The following DLG2 variants were observed in gnomAD, a reference collection of about 807,000 sequenced individuals.
The protein encoded by DLG2 is discs large MAGUK scaffold protein 2.
A neutral mutation model predicts 132.5 loss-of-function variants in DLG2; 45 were observed. That is an observed-to-expected ratio of 0.34 (90% CI 0.27 to 0.44). DLG2 has a LOEUF of 0.44. Ranked by LOEUF, DLG2 falls within the 20% of genes least tolerant of loss-of-function variation. DLG2 has a pLI of 1.00. For missense variants in DLG2, 1,045 were observed against 1,196.9 expected, an observed-to-expected ratio of 0.87 and a Z score of 1.87; for synonymous variants, 424 against 419.6, an observed-to-expected ratio of 1.01 and a Z score of -0.13.
chr11:85,403,362 G>A (rs189054071), intron 3 of DLG2, among the ~76,000 whole-genome samples: 1 of 152,146 alleles, frequency 6.6e-6, no homozygotes, highest in Non-Finnish European at 1.5e-5. Flanking sequence ...CTGGGGGAGG[G>A]ATAGCATTAG....
At chr11:84,628,095 C>CGT (rs1335893063) in intron 6 of DLG2, among the ~76,000 whole-genome samples, 1 of 127,980 alleles carries the variant, frequency 7.8e-6, no homozygotes, top group Non-Finnish European at 1.7e-5. Flanking sequence ...TATGTACACA[C>CGT]ATATATACAC....
chr11:83,949,385 T>A (rs111901278), intron 14 of DLG2, among the ~76,000 whole-genome samples: 11,565 of 148,784 alleles, frequency 0.078, 615 homozygotes, highest in Non-Finnish European at 0.12. Context: ...TGGATTAATG[T>A]CTTTTTAGAT....
At chr11:84,799,394 C>T (rs562586504) in intron 6 of DLG2, among the ~76,000 whole-genome samples, 1 of 152,264 alleles carries the variant, frequency 6.6e-6, no homozygotes, top group Admixed American at 6.5e-5. Flanking sequence ...CAGCTGCTGC[C>T]GGAGGTTGGA....
rs554292748 is a variant in DLG2 at position 83,907,370 on chromosome 11, T to C, written c.1496+22958A>G. Among the ~76,000 whole-genome samples the C allele has an allele frequency of 6.4e-4, 98 of 152,032 alleles. 5 individuals carry two copies. In the South Asian group the frequency reaches 0.02, roughly 30 times the overall value. ...TATGATAGCAGAAGTATATAGAAAA[T>C]ACAAAAATAATAGAGAATAGAATTG... is the stretch of plus-strand genomic sequence containing the variant. On this transcript the variant is annotated intron_variant, in intron 15 of 27. Coordinates refer to ENST00000376104, the MANE Select transcript of DLG2 (RefSeq NM_001142699.3).
Position 85,400,259 on chromosome 11 carries a change from T to A in DLG2, c.41-114894A>T, listed in dbSNP as rs1238660268. On this transcript the variant is annotated intron_variant, in intron 3 of 27. Coordinates refer to ENST00000376104, the MANE Select transcript of DLG2 (RefSeq NM_001142699.3). ...ACCATCTCACACCAGTTAGAATGGC[T>A]ATCATTAAAAAGTCAGGAAACAACA... Among the ~76,000 whole-genome samples the A allele has an allele frequency of 2.9e-3, 432 of 149,760 alleles. 1 individual carries two copies. Among genetic ancestry groups the A allele is most frequent in the African/African-American group, 0.01 (415 of 40,460 alleles).
chr11:83,701,755 C>T (rs1434170670), intron 18 of DLG2, among the ~76,000 whole-genome samples: 2 of 152,108 alleles, frequency 1.3e-5, no homozygotes, highest in African/African-American at 4.8e-5. Flanking sequence ...ACAGGAAGAG[C>T]ACAGACACTG....
At chr11:85,092,932 C>T (rs542375944) in intron 6 of DLG2, among the ~76,000 whole-genome samples, 6 of 152,276 alleles carry the variant, frequency 3.9e-5, no homozygotes, top group South Asian at 2.1e-4. Context: ...TGCACCACTA[C>T]GCCCAGCTAC....
intron 19 of DLG2, among the ~76,000 whole-genome samples, chr11:83,564,669 G>A (rs2096671288): frequency 6.6e-6 from 1 of 152,142 alleles, no homozygotes; most frequent in South Asian, 2.1e-4. Context: ...ATGATTGTTT[G>A]CATTTATTAT....
chr11:83,569,975 C>T (rs548694143), intron 19 of DLG2, among the ~76,000 whole-genome samples: 1 of 152,280 alleles, frequency 6.6e-6, no homozygotes, highest in Non-Finnish European at 1.5e-5. Context: ...CATCACACTC[C>T]CCCATGAAAA....
At chr11:84,022,666 G>A (rs775725830) in intron 11 of DLG2, among the ~76,000 whole-genome samples, 1 of 152,086 alleles carries the variant, frequency 6.6e-6, no homozygotes, top group African/African-American at 2.4e-5. Context: ...CTGAAAGAAC[G>A]GTTCTTTTTG....
intron 7 of DLG2, among the ~76,000 whole-genome samples, chr11:84,263,685 T>A (rs1221190724): frequency 6.6e-6 from 1 of 152,174 alleles, no homozygotes; most frequent in Non-Finnish European, 1.5e-5. Context: ...ATTTTTCCCC[T>A]ACTCACCATA....
intron 6 of DLG2, among the ~76,000 whole-genome samples, chr11:84,951,708 C>G (rs1327937462): frequency 4.7e-5 from 7 of 150,204 alleles, no homozygotes; most frequent in African/African-American, 1.5e-4. Flanking sequence ...TATATACACA[C>G]ACGTATATAT....
intron 3 of DLG2, among the ~76,000 whole-genome samples, chr11:85,500,932 T>C (rs572931818): frequency 6.6e-6 from 1 of 152,322 alleles, no homozygotes; most frequent in Admixed American, 6.5e-5. Context: ...AAATTTCATA[T>C]GCAACCATAA....
chr11:84,502,363 T>C (rs999334024), intron 7 of DLG2, among the ~76,000 whole-genome samples: 2 of 78,602 alleles, frequency 2.5e-5, no homozygotes, highest in South Asian at 8.1e-4. Context: ...TCTTTCTTTC[T>C]TTCTTTCTTT....
chr11:83,770,274 C>CTTTTTTT (rs1594049476), intron 18 of DLG2, among the ~76,000 whole-genome samples: 24 of 108,570 alleles, frequency 2.2e-4, no homozygotes, highest in South Asian at 6.4e-4. Context: ...TGTTTTTTTG[C>CTTTTTTT]TTTTTGTACA....
chr11:83,912,384 T>C (rs548154636), intron 15 of DLG2, among the ~76,000 whole-genome samples: 9 of 152,200 alleles, frequency 5.9e-5, no homozygotes, highest in Admixed American at 1.3e-4. Context: ...GAAAATAGTG[T>C]CCACAGCCAA....
At chr11:85,029,052 A>G (rs904708037) in intron 6 of DLG2, among the ~76,000 whole-genome samples, 12 of 152,200 alleles carry the variant, frequency 7.9e-5, no homozygotes, top group African/African-American at 2.9e-4. Context: ...GTATTTGCTA[A>G]AAGCTTTCAA....
At chr11:84,015,974 G>T in intron 11 of DLG2, among the ~76,000 whole-genome samples, 1 of 152,120 alleles carries the variant, frequency 6.6e-6, no homozygotes, top group South Asian at 2.1e-4. Context: ...TTCCACAATG[G>T]TTGAACTAAT....
chr11:83,605,045 G>A (rs2059149203), intron 19 of DLG2, among the ~76,000 whole-genome samples: 1 of 151,628 alleles, frequency 6.6e-6, no homozygotes, highest in Non-Finnish European at 1.5e-5. Flanking sequence ...GAGATTGATT[G>A]ATTCACAGCA....
Sources: gnomAD v4.1 joint callset for allele counts (sites outside exome capture counted in the v4.1 genomes callset) on GRCh38, gnomAD v4.1.1 for gene constraint, MANE v1.5 for transcripts, NCBI Gene and HGNC (gene_info 2026-07-23, HGNC 2026-07-21) for gene names.